NEK10: variants seen among roughly 807,000 people sequenced by gnomAD.
NEK10 encodes the protein serine/threonine-protein kinase Nek10.
NEK10 carries 122 observed loss-of-function variants against 159.8 expected under a neutral mutation model. The observed-to-expected ratio is 0.76, with a 90% CI of 0.66 to 0.89. The LOEUF is 0.89. Ranked by LOEUF, NEK10 falls within the 40% of genes least tolerant of loss-of-function variation. NEK10 has a pLI of 0.00. For synonymous variants in NEK10, 466 were observed against 457.1 expected (o/e 1.02, Z -0.25); for missense variants, 1,342 against 1,323.1 (o/e 1.01, Z -0.22).
chr3:27,177,945 T>C lies in NEK10; in HGVS notation c.2506-3112A>G, dbSNP rs886691127. ...ATAATCTTTTTCACTTTCTAATTAC[T>C]AAGATTTTTCAAGGAGTAGGAGAGG... On this transcript the variant is annotated intron_variant, in intron 26 of 35. Transcript: ENST00000691995. 2.0e-5 allele frequency among the ~76,000 whole-genome samples: 3 copies of C among 152,316 alleles called. No individual in the cohort carries two copies. The South Asian group carries it at 6.2e-4, about 32-fold the overall frequency.
At chr3:27,301,104 C>A (rs642570) in intron 13 of NEK10, among the ~76,000 whole-genome samples, 2 of 151,938 alleles carry the variant, frequency 1.3e-5, no homozygotes, top group South Asian at 2.1e-4. Flanking sequence ...GCACTCAGAC[C>A]GCACTGTAGC....
chr3:27,160,107 G>T (rs538008250), intron 30 of NEK10, among the ~76,000 whole-genome samples: 2 of 151,770 alleles, frequency 1.3e-5, no homozygotes, highest in Non-Finnish European at 2.9e-5. Context: ...AATATAATCA[G>T]CTTATTTTTT....
chr3:27,350,311 A>C (rs1227758994), intron 3 of NEK10, among the ~76,000 whole-genome samples: 1 of 152,122 alleles, frequency 6.6e-6, no homozygotes, highest in Non-Finnish European at 1.5e-5. Flanking sequence ...GTTTTAATGT[A>C]TGACAACCTA....
rs1939164095 is a variant in NEK10, at chr3:27,108,008, T to G, written c.*3264A>C. Among the ~76,000 whole-genome samples, 1 of 152,202 alleles carries G rather than the reference T, an allele frequency of 6.6e-6. No homozygotes were observed. On this transcript the variant is annotated 3_prime_UTR_variant, in exon 36 of 36. Transcript: ENST00000691995. ...TAAAATTCACTAGCCAATATTACAGTCTTCACACATCTTAAAAATGAGTGG... is the reference window on the plus strand; with the variant it reads ...TAAAATTCACTAGCCAATATTACAGGCTTCACACATCTTAAAAATGAGTGG...
At chr3:27,130,792 A>G (rs1031749261) in intron 32 of NEK10, among the ~76,000 whole-genome samples, 11 of 152,226 alleles carry the variant, frequency 7.2e-5, no homozygotes, top group Admixed American at 3.9e-4. Context: ...TATAAATATC[A>G]TAAGATAAAT....
At chr3:27,342,749 C>T (rs1025706317) in intron 5 of NEK10, among the ~76,000 whole-genome samples, 1 of 152,022 alleles carries the variant, frequency 6.6e-6, no homozygotes, top group African/African-American at 2.4e-5. Flanking sequence ...GTGCCTTCCC[C>T]CAAAGTATTG....
intron 25 of NEK10, among the ~76,000 whole-genome samples, chr3:27,199,755 A>G (rs899884026): frequency 1.3e-5 from 2 of 152,232 alleles, no homozygotes; most frequent in African/African-American, 2.4e-5. Flanking sequence ...TGGTATATAC[A>G]CACCATGGAA....
At chr3:27,294,846 C>T (rs2043239610) in intron 15 of NEK10, among the ~76,000 whole-genome samples, 1 of 152,124 alleles carries the variant, frequency 6.6e-6, no homozygotes, top group South Asian at 2.1e-4. Context: ...CCACTGCCCC[C>T]CGCCCCCACT....
chr3:27,338,041 C>T (rs1053731088), intron 5 of NEK10, among the ~76,000 whole-genome samples: 7 of 151,882 alleles, frequency 4.6e-5, no homozygotes, highest in African/African-American at 1.7e-4. Flanking sequence ...GTTTGCTGCA[C>T]CCATCAACTC....
rs2044987851 is a variant in NEK10 at position 27,314,434 on chromosome 3, T to C, written c.448-96A>G. 8 of 769,340 alleles carry C rather than the reference T, an allele frequency of 1.0e-5. No individual in the cohort carries two copies. In the South Asian group the frequency reaches 1.1e-4, roughly 10 times the overall value. The allele number at this position is 769,340 out of a possible 1,614,324, so 47.7% of individuals were successfully genotyped here. ...TTTCTTTACTAAGTTGTCATATTTA[T>C]AATTATATTGTGAAGGTCTACATTC... is the stretch of plus-strand genomic sequence containing the variant. On this transcript the variant is annotated intron_variant, in intron 6 of 35. Transcript: ENST00000691995.
intron 23 of NEK10, among the ~76,000 whole-genome samples, chr3:27,244,550 T>G (rs968323165): frequency 2.0e-5 from 3 of 152,204 alleles, no homozygotes; most frequent in African/African-American, 7.2e-5. Context: ...CTGCAATTTC[T>G]GACATGGGCC....
chr3:27,268,030 G>A (rs1308331344), intron 22 of NEK10, among the ~76,000 whole-genome samples: 2 of 152,202 alleles, frequency 1.3e-5, no homozygotes, highest in Admixed American at 1.3e-4. Flanking sequence ...AAGTGATCTG[G>A]ACAGAAGGTC....
At chr3:27,226,109 G>T (rs1261788728) in intron 23 of NEK10, among the ~76,000 whole-genome samples, 2 of 151,904 alleles carry the variant, frequency 1.3e-5, no homozygotes, top group Non-Finnish European at 2.9e-5. Flanking sequence ...TTGGCTCACT[G>T]CAAGCTCTGC....
chr3:27,185,600 G>A (rs911459582), intron 26 of NEK10, among the ~76,000 whole-genome samples: 7 of 152,130 alleles, frequency 4.6e-5, no homozygotes, highest in Non-Finnish European at 1.0e-4. Flanking sequence ...CACTTGCCTC[G>A]TCAGTCCCCA....
At chr3:27,209,051 A>T (rs1260855337) in intron 23 of NEK10, among the ~76,000 whole-genome samples, 2 of 152,204 alleles carry the variant, frequency 1.3e-5, no homozygotes, top group East Asian at 3.8e-4. Flanking sequence ...CTTTAACACA[A>T]ATTTGAGAGC....
intron 14 of NEK10, 104 bp from the exon 15 acceptor site, chr3:27,295,794 A>G (rs2043313518): frequency 7.3e-7 from 1 of 1,374,780 alleles, no homozygotes; most frequent in Non-Finnish European, 9.5e-7. Flanking sequence ...AAGAAGAAAT[A>G]TTAGTATAAC....
At chr3:27,257,563 T>G (rs978537808) in intron 22 of NEK10, among the ~76,000 whole-genome samples, 1 of 152,200 alleles carries the variant, frequency 6.6e-6, no homozygotes, top group African/African-American at 2.4e-5. Flanking sequence ...ACACGTTTAC[T>G]AAACAACAAG....
intron 23 of NEK10, among the ~76,000 whole-genome samples, chr3:27,207,243 T>C (rs893301479): frequency 6.6e-6 from 1 of 152,162 alleles, no homozygotes; most frequent in Non-Finnish European, 1.5e-5. Context: ...AAGATGATAA[T>C]ATTTGACAAC....
At chr3:27,171,022 C>T (rs1946933771) in intron 29 of NEK10, among the ~76,000 whole-genome samples, 1 of 152,144 alleles carries the variant, frequency 6.6e-6, no homozygotes. Flanking sequence ...CAAACATTCC[C>T]CACCAGCTCA....
Sources: allele counts gnomAD v4.1 joint callset (sites outside exome capture counted in the v4.1 genomes callset), GRCh38; gene constraint gnomAD v4.1.1; transcripts MANE v1.5; gene names NCBI Gene and HGNC (gene_info 2026-07-23, HGNC 2026-07-21).